Variants in AARS1 observed in about 807,000 individuals in gnomAD.
The protein encoded by AARS1 is alanine--tRNA ligase, cytoplasmic.
In AARS1, 72 loss-of-function variants were observed where a neutral mutation model predicts 108.9. The observed-to-expected ratio is 0.66, with a 90% CI of 0.55 to 0.80. The LOEUF (loss-of-function observed/expected upper bound fraction) is 0.80. Ranked by LOEUF, AARS1 falls within the 30% of genes least tolerant of loss-of-function variation. AARS1 has a pLI of 0.00. For missense variants in AARS1, 1,193 were observed against 1,233.2 expected, an observed-to-expected ratio of 0.97 and a Z score of 0.49; for synonymous variants, 489 against 465.7, an observed-to-expected ratio of 1.05 and a Z score of -0.64.
At chr16:70,268,888 A>C (rs1960326707) in intron 7 of AARS1, among the ~76,000 whole-genome samples, 3 of 152,226 alleles carry the variant, frequency 2.0e-5, no homozygotes, top group Admixed American at 2.0e-4. Context: ...CAAGACAAGG[A>C]AACAATAACG....
At chr16:70,288,100 T>G (rs77279473) in intron 1 of AARS1, among the ~76,000 whole-genome samples, 1 of 46,436 alleles carries the variant, frequency 2.2e-5, no homozygotes, top group Non-Finnish European at 4.4e-5. Flanking sequence ...CCCTTCTTCT[T>G]TTTTTTTTTT....
intron 1 of AARS1, among the ~76,000 whole-genome samples, chr16:70,287,831 C>A (rs376415617): frequency 6.6e-6 from 1 of 151,764 alleles, no homozygotes; most frequent in African/African-American, 2.4e-5. Context: ...TGGTGCGCAA[C>A]CTCGGCTCAC....
intron 1 of AARS1, among the ~76,000 whole-genome samples, chr16:70,284,254 C>T (rs1048327446): frequency 6.7e-6 from 1 of 149,466 alleles, no homozygotes; most frequent in Admixed American, 6.7e-5. Flanking sequence ...TGCAGTCAGC[C>T]GAGATCGCGC....
chr16:70,261,630 GCACA>G (rs1960134771), intron 12 of AARS1, among the ~76,000 whole-genome samples: 1 of 146,974 alleles, frequency 6.8e-6, no homozygotes, highest in Non-Finnish European at 1.5e-5. Context: ...ATATATTTGT[GCACA>G]CACACAGACA....
intron 2 of AARS1, 55 bp downstream of exon 2, chr16:70,282,565 G>A: frequency 6.2e-7 from 1 of 1,605,978 alleles, no homozygotes; most frequent in Non-Finnish European, 8.5e-7. Flanking sequence ...CTTTTATCTG[G>A]GCTCTGCTGC....
chr16:70,271,629 G>T (rs1567608285), intron 5 of AARS1, 152 bp downstream of exon 5: 4 of 774,674 alleles, frequency 5.2e-6, no homozygotes, highest in South Asian at 4.6e-5. Flanking sequence ...TTTAGTTCAT[G>T]AAAGAATAGG....
intron 11 of AARS1, among the ~76,000 whole-genome samples, chr16:70,263,983 T>C (rs755526365): frequency 2.6e-5 from 4 of 151,940 alleles, no homozygotes; most frequent in Non-Finnish European, 2.9e-5. Flanking sequence ...CGAGATGGCT[T>C]ACGCCTGTAA....
chr16:70,283,042 G>C (rs1353255404), intron 1 of AARS1, among the ~76,000 whole-genome samples: 1 of 152,172 alleles, frequency 6.6e-6, no homozygotes, highest in Non-Finnish European at 1.5e-5. Flanking sequence ...CTGGATGTTT[G>C]TTCATTAAAC....
In AARS1 at chr16:70,262,393, T is replaced by A. The variant is rs572187967; in HGVS notation, c.1624A>T (p.Ile542Phe). 5 of 1,614,100 alleles carry A rather than the reference T, an allele frequency of 3.1e-6. No individual in the cohort carries two copies. In the African/African-American group the frequency reaches 6.7e-5, roughly 22 times the overall value. The change falls in exon 12 of 21, where the codon ATC (isoleucine) becomes TTC (phenylalanine). Residue 542 changes from isoleucine to phenylalanine, a missense_variant. Ile to Phe is a conservative substitution (Grantham distance 21, BLOSUM62 0). Coordinates refer to ENST00000261772, the MANE Select transcript of AARS1 (RefSeq NM_001605.3). Reference sequence around the variant, plus strand: ...TTCACCAGGTAGCCTTCGTCATAGATCTGGCCTCCTTGCTCAGCATAGAAA... The same window carrying A: ...TTCACCAGGTAGCCTTCGTCATAGAACTGGCCTCCTTGCTCAGCATAGAAA... ...TCFYAEQGGQ[I>F]YDEGYLVKVD...
Position 70,261,501 on chromosome 16 carries a change from G to C in AARS1, c.1672-344C>G, listed in dbSNP as rs1335803615. The stretch of plus-strand genomic sequence containing the variant: ...TAATTCCACCTACTCAGGAGGCAGA[G>C]GCAGGAGAATCGCTTGAACCCGGAA... On this transcript the variant is annotated intron_variant, in intron 12 of 20. Coordinates refer to ENST00000261772, the MANE Select transcript of AARS1 (RefSeq NM_001605.3). The C allele has an allele frequency of 1.8e-4, 51 of 281,420 alleles. 1 individual carries two copies. The highest frequency in any genetic ancestry group is 8.3e-5 in the Non-Finnish European group (12 of 144,470). 17.4% of individuals were successfully genotyped at this position (281,420 alleles called of 1,614,324 possible).
At chr16:70,278,424 C>T (rs1225708513) in intron 2 of AARS1, among the ~76,000 whole-genome samples, 1 of 151,602 alleles carries the variant, frequency 6.6e-6, no homozygotes, top group Non-Finnish European at 1.5e-5. Context: ...AATTAGCCAG[C>T]CATGGTGGTG....
intron 1 of AARS1, among the ~76,000 whole-genome samples, chr16:70,284,035 G>A (rs184283697): frequency 1.1e-4 from 16 of 152,102 alleles, no homozygotes; most frequent in South Asian, 8.3e-4. Context: ...AACATAGCAA[G>A]ATCTTGTCAG....
intron 9 of AARS1, among the ~76,000 whole-genome samples, chr16:70,267,116 G>A (rs1482185228): frequency 6.6e-6 from 1 of 152,190 alleles, no homozygotes; most frequent in African/African-American, 2.4e-5. Context: ...GATTACAGGT[G>A]TGAGCCACCA....
At chr16:70,279,684 A>G (rs558346427) in intron 2 of AARS1, among the ~76,000 whole-genome samples, 1 of 151,410 alleles carries the variant, frequency 6.6e-6, no homozygotes, top group East Asian at 1.9e-4. Flanking sequence ...AAAAAAAAAA[A>G]AAAGAAAAGT....
chr16:70,286,974 G>C (rs186777243), intron 1 of AARS1, among the ~76,000 whole-genome samples: 3 of 151,732 alleles, frequency 2.0e-5, no homozygotes, highest in African/African-American at 4.8e-5. Flanking sequence ...AAATTAGGCC[G>C]GGCGCGGTGG....
At position 70,269,768 on chromosome 16, in the gene AARS1, A is replaced by G; in HGVS notation, c.817-5T>C. ...GTATGGTCGGGCACCTGTGCCCTATAGATAAGAATCAGGAGGCAGCCCTTT... is the reference window on the plus strand; with the variant it reads ...GTATGGTCGGGCACCTGTGCCCTATGGATAAGAATCAGGAGGCAGCCCTTT... On this transcript the variant is annotated splice_polypyrimidine_tract_variant and splice_region_variant and intron_variant, in intron 6 of 20. Transcript: ENST00000261772. 2 of 1,614,110 alleles carry G rather than the reference A, an allele frequency of 1.2e-6. No individual in the cohort carries two copies. Among genetic ancestry groups the G allele is most frequent in the Non-Finnish European group, 1.7e-6 (2 of 1,180,040 alleles).
chr16:70,283,826 G>A (rs1423218552), intron 1 of AARS1, among the ~76,000 whole-genome samples: 3 of 152,190 alleles, frequency 2.0e-5, no homozygotes, highest in African/African-American at 4.8e-5. Context: ...ACCAGGGAGT[G>A]GGGATGCTGT....
chr16:70,269,757 C>T lies in AARS1; in HGVS notation c.823G>A (p.Gly275Ser), dbSNP rs747142680. ...PYFEAIQKGT[G>S]ARPYTGKVGA... ...ACTTTCCCAGTGTATGGTCGGGCAC[C>T]TGTGCCCTATAGATAAGAATCAGGA... Residue 275 changes from glycine (G) to serine (S), a missense_variant, in exon 7 of 21, where the codon GGT becomes AGT. Physicochemically the swap from Gly to Ser is moderately conservative, Grantham distance 56 (BLOSUM62 0). Coordinates refer to ENST00000261772, the MANE Select transcript of AARS1 (RefSeq NM_001605.3). The T allele has an allele frequency of 2.5e-5, 40 of 1,614,146 alleles. 1 individual carries two copies. The Admixed American group carries it at 6.2e-4, about 25-fold the overall frequency.
Position 70,268,331 on chromosome 16 carries a change from T to A in AARS1, c.1011A>T (p.Glu337Asp). The change falls in exon 8 of 21, where the codon GAA becomes GAT. Residue 337 changes from glutamate to aspartate, a missense_variant. Physicochemically the swap from Glu to Asp is conservative, Grantham distance 45. Transcript: ENST00000261772. ...AGAAGCCCCTGCTGGCATTGAGCTT[T>A]TCATGGGCGTATCGGACAGCTCGGC... Reference protein sequence around the residue: ...ILRRAVRYAHEKLNASRGFFA... With the variant: ...ILRRAVRYAHDKLNASRGFFA... 1.2e-6 allele frequency: 2 copies of A among 1,614,182 alleles called. No individual in the cohort carries two copies. The highest frequency in any genetic ancestry group is 1.7e-6 in the Non-Finnish European group (2 of 1,180,024).
Sources: gnomAD v4.1 joint callset for allele counts (sites outside exome capture counted in the v4.1 genomes callset) on GRCh38, gnomAD v4.1.1 for gene constraint, MANE v1.5 for transcripts, NCBI Gene and HGNC (gene_info 2026-07-23, HGNC 2026-07-21) for gene names.